MGAT5: variants seen among roughly 807,000 people sequenced by gnomAD.
The protein encoded by MGAT5 is alpha-1,6-mannosylglycoprotein 6-beta-N-acetylglucosaminyltransferase.
In MGAT5, 30 loss-of-function variants were observed where a neutral mutation model predicts 94.3. That is an observed-to-expected ratio of 0.32 (90% CI 0.24 to 0.43). MGAT5 has a LOEUF of 0.43. MGAT5 is among the 20% of genes least tolerant of loss of function. The probability of loss-of-function intolerance (pLI) is 1.00; values close to 1 mark genes in which losing one functional copy is unlikely to be tolerated. For missense variants in MGAT5, 691 were observed against 905.5 expected, an observed-to-expected ratio of 0.76 and a Z score of 3.04; for synonymous variants, 310 against 322.9, an observed-to-expected ratio of 0.96 and a Z score of 0.43.
intron 1 of MGAT5, among the ~76,000 whole-genome samples, chr2:134,197,250 C>T (rs1347811923): frequency 3.3e-5 from 5 of 152,158 alleles, no homozygotes; most frequent in Admixed American, 2.0e-4. Context: ...AACATTTTTA[C>T]GTTTGAACTT....
intron 1 of MGAT5, among the ~76,000 whole-genome samples, chr2:134,180,298 C>T (rs1399007081): frequency 6.6e-6 from 1 of 152,142 alleles, no homozygotes; most frequent in South Asian, 2.1e-4. Context: ...ATCCAAGAAC[C>T]CTCTCTTGGG....
chr2:134,314,125 C>T (rs184260483), intron 2 of MGAT5, among the ~76,000 whole-genome samples: 1 of 152,292 alleles, frequency 6.6e-6, no homozygotes, highest in African/African-American at 2.4e-5. Flanking sequence ...TATTCCCGGT[C>T]AGGTTTGGGA....
intron 1 of MGAT5, among the ~76,000 whole-genome samples, chr2:134,158,521 G>A (rs1432957065): frequency 2.0e-5 from 3 of 152,222 alleles, no homozygotes; most frequent in East Asian, 1.9e-4. Context: ...TCTAGGCAGC[G>A]AGAGCAGGCC....
At chr2:134,249,332 C>T (rs754601989), upstream of MGAT5, among the ~76,000 whole-genome samples, 17 of 151,758 alleles carry the variant, frequency 1.1e-4, no homozygotes, top group Admixed American at 3.3e-4. Context: ...AATTATGCTC[C>T]TATCACCACA....
intron 10 of MGAT5, among the ~76,000 whole-genome samples, chr2:134,402,129 A>C (rs1401018402): frequency 6.6e-6 from 1 of 152,164 alleles, no homozygotes; most frequent in Admixed American, 6.5e-5. Flanking sequence ...ACTTTTTGAA[A>C]ATTTCCCAAA....
intron 2 of MGAT5, among the ~76,000 whole-genome samples, chr2:134,290,136 GTCCTACTCGTGTGTTC>G (rs1329736709): frequency 6.6e-6 from 1 of 152,184 alleles, no homozygotes; most frequent in East Asian, 1.9e-4. Flanking sequence ...GTATTTGATA[GTCCTACTCGTGTGTTC>G]TCATGTGCAT....
chr2:134,172,553 A>AT (rs981688720), intron 1 of MGAT5, among the ~76,000 whole-genome samples: 3 of 151,946 alleles, frequency 2.0e-5, no homozygotes, highest in Admixed American at 6.6e-5. Context: ...CGCCCAGCTA[A>AT]TTTTTTGTAT....
intron 1 of MGAT5, among the ~76,000 whole-genome samples, chr2:134,262,396 C>G (rs1683394664): frequency 6.6e-6 from 1 of 152,172 alleles, no homozygotes; most frequent in Non-Finnish European, 1.5e-5. Context: ...TGCCACCACA[C>G]TAGGCTAATT....
chr2:134,193,281 C>T (rs1163101807), intron 1 of MGAT5, among the ~76,000 whole-genome samples: 1 of 152,028 alleles, frequency 6.6e-6, no homozygotes, highest in African/African-American at 2.4e-5. Flanking sequence ...TGCCAACATG[C>T]CTAGCTACTT....
At chr2:134,225,182 C>T (rs747808505) in intron 1 of MGAT5, among the ~76,000 whole-genome samples, 2 of 151,532 alleles carry the variant, frequency 1.3e-5, no homozygotes, top group Admixed American at 1.3e-4. Flanking sequence ...GCTCTGCTAA[C>T]TCAAGGAATG....
chr2:134,319,819 A>G (rs2105907542), intron 4 of MGAT5: 1 of 372,584 alleles, frequency 2.7e-6, no homozygotes, highest in Non-Finnish European at 5.3e-6. Flanking sequence ...GTACATATGC[A>G]TGTCTATAGC....
intron 1 of MGAT5, among the ~76,000 whole-genome samples, chr2:134,161,943 C>T (rs1321112558): frequency 6.6e-6 from 1 of 151,970 alleles, no homozygotes; most frequent in Non-Finnish European, 1.5e-5. Context: ...GTAATCCCTG[C>T]ACTTTGGGAG....
At position 134,323,690 on chromosome 2, in the gene MGAT5, T is replaced by A. The variant is rs1232199214; in HGVS notation, c.573+4951T>A. 2.0e-5 allele frequency among the ~76,000 whole-genome samples: 3 copies of A among 152,154 alleles called. No individual in the cohort carries two copies. The East Asian group carries it at 5.8e-4, about 29-fold the overall frequency. ...ACTTGTGATGGGAAAATGGCTCTAA[T>A]TTAGCTAACTTGAATGAATAGATCT... On this transcript the variant is annotated intron_variant, in intron 4 of 15. Transcript: ENST00000281923.
chr2:134,296,906 A>G (rs541469801), intron 2 of MGAT5, among the ~76,000 whole-genome samples: 77 of 152,266 alleles, frequency 5.1e-4, no homozygotes, highest in African/African-American at 1.8e-3. Context: ...ACTGACTCAA[A>G]ATCATCTGAA....
chr2:134,368,048 C>A (rs1680545754), intron 10 of MGAT5, among the ~76,000 whole-genome samples: 1 of 152,208 alleles, frequency 6.6e-6, no homozygotes, highest in Non-Finnish European at 1.5e-5. Context: ...CAGCACATGA[C>A]TGGCAAAGCC....
chr2:134,158,687 C>T (rs567881595), intron 1 of MGAT5, among the ~76,000 whole-genome samples: 20 of 152,302 alleles, frequency 1.3e-4, no homozygotes, highest in African/African-American at 3.9e-4. Context: ...TGCCTGTTCC[C>T]GTCTCCCGCT....
chr2:134,323,236 T>G (rs1687436595), intron 4 of MGAT5, among the ~76,000 whole-genome samples: 1 of 152,144 alleles, frequency 6.6e-6, no homozygotes, highest in African/African-American at 2.4e-5. Flanking sequence ...TTGTTATATG[T>G]CTGACGCTGT....
chr2:134,224,346 A>T (rs898314151), intron 1 of MGAT5, among the ~76,000 whole-genome samples: 8 of 152,208 alleles, frequency 5.3e-5, no homozygotes, highest in Admixed American at 4.6e-4. Flanking sequence ...CTGTGTCTTT[A>T]AAGTATGTCT....
At chr2:134,270,255 TG>T in intron 1 of MGAT5, 130 bp from the exon 2 acceptor site, 3 of 843,996 alleles carry the variant, frequency 3.6e-6, no homozygotes, top group Non-Finnish European at 5.5e-6. Context: ...CTTTCAGATG[TG>T]GTTTGACAGA....
Sources: allele counts gnomAD v4.1 joint callset (sites outside exome capture counted in the v4.1 genomes callset), GRCh38; gene constraint gnomAD v4.1.1; transcripts MANE v1.5; gene names NCBI Gene and HGNC (gene_info 2026-07-23, HGNC 2026-07-21).